The following CDK12 variants were observed in gnomAD, a reference collection of about 807,000 sequenced individuals.
CDK12 encodes cyclin-dependent kinase 12.
CDK12 carries 17 observed loss-of-function variants against 133.8 expected under a neutral mutation model. The observed-to-expected ratio is 0.13, with a 90% confidence interval of 0.09 to 0.19. The LOEUF is 0.19. CDK12 is among the 10% of genes least tolerant of loss of function. The pLI is 1.00. For synonymous variants in CDK12, 694 were observed against 683.6 expected (o/e 1.02, Z -0.24); for missense variants, 1,508 against 1,818.7 (o/e 0.83, Z 3.11).
Position 39,462,919 on chromosome 17 carries a change from C to T in CDK12, c.848C>T (p.Ser283Leu), listed in dbSNP as rs759485356. Reference protein sequence around the residue: ...QSVSPPYKEPSAYQSSTRSPS... With the variant: ...QSVSPPYKEPLAYQSSTRSPS... ...GTCAGTCCCCCTTACAAGGAGCCTT[C>T]GGCCTACCAGTCCAGCACCCGGTCA... is the stretch of plus-strand genomic sequence containing the variant. The change falls in exon 1 of 14, where the codon TCG becomes TTG. Residue 283 changes from serine to leucine, a missense_variant. This residue lies in a region of CDK12 where 460 missense variants were observed against 490.8 expected (regional missense o/e 0.94). Coordinates refer to ENST00000447079, the MANE Select transcript of CDK12 (RefSeq NM_016507.4). 3.1e-6 allele frequency: 5 copies of T among 1,614,200 alleles called. No homozygotes were observed. The South Asian group carries it at 5.5e-5, about 18-fold the overall frequency.
chr17:39,466,160 TAGCC>T (rs2049287734), intron 1 of CDK12, among the ~76,000 whole-genome samples: 1 of 150,246 alleles, frequency 6.7e-6, no homozygotes, highest in Admixed American at 6.6e-5. Context: ...ATACAAAAAT[TAGCC>T]AGGCGTGGTG....
Position 39,532,101 on chromosome 17 carries a change from TTTCTCTC to T in CDK12, c.*787_*793del, listed in dbSNP as rs2054883280. ...TGCTGATGTGTGCTCTCTCTCTCTC[TTTCTCTC>T]TCTCTCTCTCTCTCTCTCTCTCTCT... On this transcript the variant is annotated 3_prime_UTR_variant, in exon 14 of 14. Coordinates refer to ENST00000447079, the MANE Select transcript of CDK12 (RefSeq NM_016507.4). 2.8e-5 allele frequency: 5 copies of T among 181,430 alleles called. No individual in the cohort carries two copies. The highest frequency in any genetic ancestry group is 4.2e-5 in the Non-Finnish European group (4 of 96,008). The allele number at this position is 181,430 out of a possible 1,614,324, so 11.2% of individuals were successfully genotyped here.
In CDK12 at chr17:39,462,172, A is replaced by G. The variant is rs1252828858; in HGVS notation, c.101A>G (p.Glu34Gly). 5.6e-6 allele frequency: 9 copies of G among 1,614,216 alleles called. No individual in the cohort carries two copies. The highest frequency in any genetic ancestry group is 7.6e-6 in the Non-Finnish European group (9 of 1,180,040). ...SSGGGSSNSRERHRLVSKHKR... is the reference protein window; with the variant it reads ...SSGGGSSNSRGRHRLVSKHKR... ...GGAGGCGGCAGCTCTAACAGCAGAG[A>G]GCGTCACCGCTTGGTATCGAAGCAC... is the stretch of plus-strand genomic sequence containing the variant. The change falls in exon 1 of 14, where the codon GAG becomes GGG. Residue 34 changes from glutamate to glycine, a missense_variant. Coordinates refer to ENST00000447079, the MANE Select transcript of CDK12 (RefSeq NM_016507.4).
At chr17:39,477,670 C>G (rs1233481471) in intron 2 of CDK12, among the ~76,000 whole-genome samples, 5 of 148,302 alleles carry the variant, frequency 3.4e-5, no homozygotes, top group Non-Finnish European at 7.4e-5. Context: ...CCTCCTGGGT[C>G]CACGCTATTC....
intron 5 of CDK12, among the ~76,000 whole-genome samples, chr17:39,497,411 T>C (rs1317453794): frequency 2.0e-5 from 3 of 151,926 alleles, no homozygotes; most frequent in Non-Finnish European, 4.4e-5. Context: ...GGCATGGTGC[T>C]GGGCACTTTT....
rs2054962706 is a variant in CDK12, at chr17:39,533,135, T to G, written c.*1819T>G. On this transcript the variant is annotated 3_prime_UTR_variant, in exon 14 of 14. Coordinates refer to ENST00000447079, the MANE Select transcript of CDK12 (RefSeq NM_016507.4). ...CCTCTTCAGATACTTACTTGAAGAC[T>G]GTTTTCCCCTGTTAATGAGATATAG... 1 of 232,640 alleles carries G rather than the reference T, an allele frequency of 4.3e-6. No homozygotes were observed. Among genetic ancestry groups the G allele is most frequent in the Admixed American group, 5.6e-5 (1 of 17,762 alleles). 14.4% of individuals were successfully genotyped at this position (232,640 alleles called of 1,614,324 possible). A position where few individuals can be genotyped will look rare whatever the true frequency, so the allele number is the denominator to read the frequency against.
intron 2 of CDK12, among the ~76,000 whole-genome samples, chr17:39,552,011 C>T (rs1306250507): frequency 6.6e-6 from 1 of 152,108 alleles, no homozygotes; most frequent in Admixed American, 6.6e-5. Flanking sequence ...CCCCCAACAC[C>T]CTTCCCCCAC....
At chr17:39,565,966 C>CAGT (rs1396292214), downstream of CDK12, among the ~76,000 whole-genome samples, 1 of 152,190 alleles carries the variant, frequency 6.6e-6, no homozygotes, top group Non-Finnish European at 1.5e-5. Context: ...GGAAGGTCTA[C>CAGT]AGTAGCCTAG....
At chr17:39,494,968 T>G (rs1466482924) in intron 5 of CDK12, among the ~76,000 whole-genome samples, 1 of 151,990 alleles carries the variant, frequency 6.6e-6, no homozygotes, top group Non-Finnish European at 1.5e-5. Context: ...AGGCGGGGTT[T>G]CACCGTGTTA....
At chr17:39,504,331 T>C (rs1231050336) in intron 6 of CDK12, among the ~76,000 whole-genome samples, 1 of 152,086 alleles carries the variant, frequency 6.6e-6, no homozygotes, top group Non-Finnish European at 1.5e-5. Flanking sequence ...GTCAGAAATG[T>C]AACCCAAGAG....
rs747266564 is a variant in CDK12 at position 39,526,291 on chromosome 17, C to T, written c.3735C>T (p.Pro1245=). 1.9e-6 allele frequency: 3 copies of T among 1,597,396 alleles called. No individual in the cohort carries two copies. Among genetic ancestry groups the T allele is most frequent in the Non-Finnish European group, 2.6e-6 (3 of 1,172,720 alleles). ...GGCCACAGGGGCCCCGAAGAACTCC[C>T]ACAATGCCACAGGAGGAGGCAGCAG... The part of the protein sequence containing the change: ...NSGPQGPRRT[P]TMPQEEAAAC... The change falls in exon 13 of 14, where the codon CCC becomes CCT. Residue 1245 remains proline, a synonymous_variant. Coordinates refer to ENST00000447079, the MANE Select transcript of CDK12 (RefSeq NM_016507.4).
intron 2 of CDK12, among the ~76,000 whole-genome samples, chr17:39,487,081 A>C (rs1282176260): frequency 1.3e-5 from 2 of 152,166 alleles, no homozygotes; most frequent in Admixed American, 6.6e-5. Flanking sequence ...AGGATGGAAA[A>C]ATCTGAGTGC....
chr17:39,530,893 C>A lies in CDK12; in HGVS notation c.4050C>A (p.Ala1350=). ...ATGGGCCTGAAACAGGGTTCAGTGCCATTGACACTGATGAACGAAACTCTG... is the reference window on the plus strand; with the variant it reads ...ATGGGCCTGAAACAGGGTTCAGTGCAATTGACACTGATGAACGAAACTCTG... ...NTDGPETGFS[A]IDTDERNSGP... Residue 1350 remains alanine, a synonymous_variant, in exon 14 of 14, where the codon GCC becomes GCA. Transcript: ENST00000447079. 6.2e-7 allele frequency: 1 copy of A among 1,614,206 alleles called. No individual in the cohort carries two copies. Among genetic ancestry groups the A allele is most frequent in the Non-Finnish European group, 8.5e-7 (1 of 1,180,038 alleles).
chr17:39,496,036 C>T (rs796781580), intron 5 of CDK12, among the ~76,000 whole-genome samples: 8 of 151,922 alleles, frequency 5.3e-5, no homozygotes, highest in African/African-American at 1.9e-4. Context: ...CTCAGCCTCC[C>T]GGGTAGCTGG....
Position 39,490,715 on chromosome 17 carries a change from C to A in CDK12, c.2090C>A (p.Pro697Gln). 6.2e-7 allele frequency: 1 copy of A among 1,610,140 alleles called. No individual in the cohort carries two copies. Among genetic ancestry groups the A allele is most frequent in the Non-Finnish European group, 8.5e-7 (1 of 1,178,296 alleles). Residue 697 changes from proline to glutamine, a missense_variant, in exon 3 of 14, where the codon CCA becomes CAA. Pro to Gln is a moderately conservative substitution (Grantham distance 76). Transcript: ENST00000447079. ...EPKAITPPQQ[P>Q]YKKRPKICCP... is the part of the protein sequence containing the mutation. ...AAGGCAATCACACCACCTCAGCAAC[C>A]ATATAAAAAGAGACCAAAGTGAGTT...
chr17:39,541,131 G>A (rs1460123938), intron 1 of CDK12, among the ~76,000 whole-genome samples: 4 of 150,278 alleles, frequency 2.7e-5, no homozygotes, highest in Middle Eastern at 3.5e-3. Flanking sequence ...GTTTACACAT[G>A]TCCCTGCTTT....
intron 3 of CDK12, 90 bp from the exon 4 acceptor site, chr17:39,492,660 CG>C (rs1365429870): frequency 1.2e-6 from 1 of 855,418 alleles, no homozygotes; most frequent in African/African-American, 1.7e-5. Context: ...CTGCCAGCCT[CG>C]GCCTCCCAAA....
chr17:39,481,631 GCGCTCTCT>G (rs2050667931), intron 2 of CDK12, among the ~76,000 whole-genome samples: 5 of 34,310 alleles, frequency 1.5e-4, no homozygotes, highest in Admixed American at 6.7e-4. Context: ...GCTCGCTCGC[GCGCTCTCT>G]CTCTCTCTCT....
rs551826258 is a variant in CDK12, at chr17:39,486,801, G to A, written c.1932-3756G>A. Among the ~76,000 whole-genome samples the A allele has an allele frequency of 1.4e-3, 218 of 152,196 alleles. 1 individual carries two copies. Among genetic ancestry groups the A allele is most frequent in the African/African-American group, 5.2e-3 (214 of 41,536 alleles). On this transcript the variant is annotated intron_variant, in intron 2 of 13. Transcript: ENST00000447079. ...AGGTGGGCAGATCATGAGGTCAGGA[G>A]TTCGAGTCCAGCCTGGCCAATATGG... is the stretch of plus-strand genomic sequence containing the variant.
Sources: gnomAD v4.1 joint callset for allele counts (sites outside exome capture counted in the v4.1 genomes callset) on GRCh38, gnomAD v4.1.1 for gene constraint, gnomAD v4.1.1 regional missense constraint, MANE v1.5 for transcripts, NCBI Gene and HGNC (gene_info 2026-07-23, HGNC 2026-07-21) for gene names.